ZFR: variants seen among roughly 807,000 people sequenced by gnomAD.
The protein encoded by ZFR is zinc finger RNA binding protein.
Under a neutral mutation model 130.7 loss-of-function variants are expected in ZFR, and 19 were observed. That is an observed-to-expected ratio of 0.15 (90% CI 0.10 to 0.21). The LOEUF (loss-of-function observed/expected upper bound fraction) is 0.21, where lower values mean the gene tolerates loss of function less well. ZFR is among the 10% of genes least tolerant of loss of function. ZFR has a pLI of 1.00. For missense variants in ZFR, 872 were observed against 1,321.5 expected (o/e 0.66, Z 5.27); for synonymous variants, 466 against 456.9 (o/e 1.02, Z -0.25).
intron 5 of ZFR, among the ~76,000 whole-genome samples, chr5:32,411,196 T>C (rs1753697816): frequency 6.6e-6 from 1 of 152,174 alleles, no homozygotes; most frequent in South Asian, 2.1e-4. Context: ...GTAATAACTT[T>C]CAGTGGCAAA....
intron 5 of ZFR, among the ~76,000 whole-genome samples, chr5:32,414,126 C>T (rs943693871): frequency 6.6e-6 from 1 of 152,220 alleles, no homozygotes; most frequent in Admixed American, 6.5e-5. Flanking sequence ...TACTCTGGCA[C>T]TTCTAGCCTC....
At chr5:32,399,563 C>T (rs950735306) in intron 9 of ZFR, among the ~76,000 whole-genome samples, 1 of 152,218 alleles carries the variant, frequency 6.6e-6, no homozygotes, top group African/African-American at 2.4e-5. Context: ...AAAACAGCAA[C>T]AGTCTTCTAC....
chr5:32,379,191 T>C lies in ZFR; in HGVS notation c.2759A>G (p.Gln920Arg). Residue 920 changes from glutamine to arginine, a missense_variant, in exon 17 of 20, where the codon CAG becomes CGG. Gln to Arg is a conservative substitution (Grantham distance 43, BLOSUM62 1). Around this residue, in one of 7 missense-constraint regions of ZFR, gnomAD observed 158 missense variants for 264.0 expected, o/e 0.60. Transcript: ENST00000265069. The part of the protein sequence containing the change: ...KWFQARANGL[Q>R]SCVIIIRILR... ...AATGCGTATGATAATCACACAGGAC[T>C]GCAGACCATTAGCTCTAGCCTTGAG... The C allele has an allele frequency of 6.2e-7, 1 of 1,613,980 alleles. No individual in the cohort carries two copies. Among genetic ancestry groups the C allele is most frequent in the Non-Finnish European group, 8.5e-7 (1 of 1,179,928 alleles).
chr5:32,388,252 G>A (rs952981043), intron 13 of ZFR, among the ~76,000 whole-genome samples: 2 of 152,124 alleles, frequency 1.3e-5, no homozygotes, highest in Non-Finnish European at 2.9e-5. Context: ...AACTTAAAAT[G>A]AGTACAATTA....
intron 8 of ZFR, among the ~76,000 whole-genome samples, chr5:32,400,722 T>A (rs919642718): frequency 9.2e-5 from 14 of 152,062 alleles, no homozygotes; most frequent in Non-Finnish European, 1.9e-4. Flanking sequence ...GATGTGATGG[T>A]GCATGCCTGC....
intron 2 of ZFR, among the ~76,000 whole-genome samples, chr5:32,427,786 G>A (rs542372665): frequency 6.6e-6 from 1 of 152,282 alleles, no homozygotes; most frequent in South Asian, 2.1e-4. Context: ...ATAGACCAAT[G>A]AAATAGAATA....
At chr5:32,432,840 T>C (rs567282550) in intron 2 of ZFR, among the ~76,000 whole-genome samples, 17 of 151,178 alleles carry the variant, frequency 1.1e-4, no homozygotes, top group Admixed American at 5.3e-4. Context: ...GTGATCCTCC[T>C]ACCTCAGTCT....
intron 4 of ZFR, among the ~76,000 whole-genome samples, chr5:32,416,636 G>C (rs1397795392): frequency 7.3e-6 from 1 of 137,254 alleles, no homozygotes; most frequent in Admixed American, 7.4e-5. Context: ...AAAGAGAAGA[G>C]ACCACAGGAA....
In ZFR at chr5:32,403,377, T is replaced by G; in HGVS notation, c.1245A>C (p.Lys415Asn). ...CTGTTGATGGAATGGGTTTACCAAGTTTTGTGTGTAACTTAACCACCTATA... is the reference window on the plus strand; with the variant it reads ...CTGTTGATGGAATGGGTTTACCAAGGTTTGTGTGTAACTTAACCACCTATA... The part of the protein sequence containing the change: ...KHQKVVKLHT[K>N]LGKPIPSTEP... Residue 415 changes from lysine (K) to asparagine (N), a missense_variant, in exon 8 of 20, where the codon AAA becomes AAC. This residue lies in a region of ZFR where 21 missense variants were observed against 54.4 expected (regional missense o/e 0.39). Coordinates refer to ENST00000265069, the MANE Select transcript of ZFR (RefSeq NM_016107.5). The G allele has an allele frequency of 6.2e-7, 1 of 1,613,444 alleles. No individual in the cohort carries two copies.
Position 32,364,200 on chromosome 5 carries a change from C to T in ZFR, c.2911G>A (p.Val971Ile). Residue 971 changes from valine (V) to isoleucine (I), a missense_variant, in exon 18 of 20, where the codon GTT (valine) becomes ATT (isoleucine). Val to Ile is a conservative substitution (Grantham distance 29, BLOSUM62 3). This residue lies in a region of ZFR where 158 missense variants were observed against 264.0 expected (regional missense o/e 0.60). Coordinates refer to ENST00000265069, the MANE Select transcript of ZFR (RefSeq NM_016107.5). Reference sequence around the variant, plus strand: ...ATCCCTGAAGAAATGCATTCAAAAACTCTTCTCAGTGCATCCCCAGGGCTC... The same window carrying T: ...ATCCCTGAAGAAATGCATTCAAAAATTCTTCTCAGTGCATCCCCAGGGCTC... ...PQSPGDALRRVFECISSGIIL... is the reference protein window; with the variant it reads ...PQSPGDALRRIFECISSGIIL... 6.2e-7 allele frequency: 1 copy of T among 1,612,684 alleles called. No individual in the cohort carries two copies. The highest frequency in any genetic ancestry group is 1.7e-5 in the Admixed American group (1 of 59,986).
At chr5:32,439,625 T>G (rs1025321838) in intron 2 of ZFR, among the ~76,000 whole-genome samples, 3 of 151,814 alleles carry the variant, frequency 2.0e-5, no homozygotes, top group Admixed American at 6.6e-5. Flanking sequence ...AAAGTATAAA[T>G]AAAGAAAAAG....
chr5:32,411,688 C>CA (rs1159367724), intron 5 of ZFR, among the ~76,000 whole-genome samples: 17 of 16,240 alleles, frequency 1.0e-3, no homozygotes, highest in East Asian at 3.1e-3. Context: ...GATGCTGTCT[C>CA]AAAAAAAAAA....
intron 4 of ZFR, among the ~76,000 whole-genome samples, chr5:32,416,614 CA>C (rs10630801): frequency 3.8e-5 from 5 of 132,784 alleles, no homozygotes; most frequent in East Asian, 2.2e-4. Flanking sequence ...AACTCCGTCT[CA>C]AAAAAAAAAA....
chr5:32,403,456 C>T, intron 7 of ZFR, 59 bp from the exon 8 acceptor site: 3 of 1,539,766 alleles, frequency 1.9e-6, no homozygotes, highest in Middle Eastern at 1.7e-4. Context: ...GAAAAGTCTG[C>T]CTGGAACATT....
intron 4 of ZFR, among the ~76,000 whole-genome samples, chr5:32,415,645 G>C (rs1024502846): frequency 1.3e-5 from 2 of 152,102 alleles, no homozygotes; most frequent in South Asian, 4.1e-4. Flanking sequence ...TATGAAACTT[G>C]TTCATATACC....
chr5:32,441,310 T>C (rs1419090153), intron 2 of ZFR, among the ~76,000 whole-genome samples: 1 of 152,140 alleles, frequency 6.6e-6, no homozygotes, highest in African/African-American at 2.4e-5. Context: ...GATGTTTACT[T>C]TATCTGTATT....
At chr5:32,380,003 A>T in intron 16 of ZFR, 72 bp downstream of exon 16, 1 of 1,235,042 alleles carries the variant, frequency 8.1e-7, no homozygotes, top group South Asian at 1.3e-5. Flanking sequence ...ATGTTTAAGC[A>T]CAGTTAAACA....
At chr5:32,405,531 A>ATC (rs201471476) in intron 6 of ZFR, among the ~76,000 whole-genome samples, 1,950 of 152,310 alleles carry the variant, frequency 0.013, 18 homozygotes, top group Non-Finnish European at 0.02. Flanking sequence ...GCTGCTGTTA[A>ATC]TCTATCACCC....
At position 32,417,861 on chromosome 5, in the gene ZFR, G is replaced by A. The variant is rs556276867; in HGVS notation, c.421-69C>T. On this transcript the variant is annotated intron_variant, in intron 3 of 19. Transcript: ENST00000265069. ...GAAGGAAAAAAATACTTACTGTATAGAAGTGCAATAAAGGAAAACAAAACA... is the reference window on the plus strand; with the variant it reads ...GAAGGAAAAAAATACTTACTGTATAAAAGTGCAATAAAGGAAAACAAAACA... The A allele has an allele frequency of 6.7e-6, 10 of 1,482,312 alleles. No individual in the cohort carries two copies. In the African/African-American group the frequency reaches 1.1e-4, roughly 17 times the overall value. The allele number at this position is 1,482,312 out of a possible 1,614,324, so 91.8% of individuals were successfully genotyped here.
Sources: allele counts gnomAD v4.1 joint callset (sites outside exome capture counted in the v4.1 genomes callset), GRCh38; gene constraint gnomAD v4.1.1; regional missense constraint gnomAD v4.1.1; transcripts MANE v1.5; gene names NCBI Gene and HGNC (gene_info 2026-07-23, HGNC 2026-07-21).